Variants in ADAP1 observed in about 807,000 individuals in gnomAD.
ADAP1 encodes ArfGAP with dual PH domains 1.
ADAP1 carries 31 observed loss-of-function variants against 54.9 expected under a neutral mutation model. The observed-to-expected ratio is 0.56, with a 90% CI of 0.42 to 0.76. ADAP1 has a LOEUF of 0.76. ADAP1 is among the 30% of genes least tolerant of loss of function. The pLI is 0.00. For synonymous variants in ADAP1, 313 were observed against 202.6 expected, an observed-to-expected ratio of 1.55 and a Z score of -4.63; for missense variants, 535 against 512.4, an observed-to-expected ratio of 1.04 and a Z score of -0.42.
chr7:913,140 G>A (rs924722384), intron 4 of ADAP1, among the ~76,000 whole-genome samples: 2 of 151,640 alleles, frequency 1.3e-5, no homozygotes, highest in African/African-American at 2.4e-5. Context: ...CCCGGTGCCC[G>A]GCCTTCTTTT....
chr7:923,138 C>T (rs1465674308), intron 3 of ADAP1: 1 of 152,136 alleles, frequency 6.6e-6, no homozygotes, highest in Non-Finnish European at 1.5e-5. Context: ...AGCCTTGAGC[C>T]TCCAGCCTCC....
chr7:950,320 C>T (rs1217037880), intron 1 of ADAP1, among the ~76,000 whole-genome samples: 1 of 152,030 alleles, frequency 6.6e-6, no homozygotes, highest in Non-Finnish European at 1.5e-5. Flanking sequence ...CCCATCTCTA[C>T]TAAAAATACA....
intron 3 of ADAP1, among the ~76,000 whole-genome samples, chr7:921,054 C>T (rs999856162): frequency 2.6e-5 from 4 of 152,140 alleles, no homozygotes; most frequent in Non-Finnish European, 4.4e-5. Context: ...CCTGCTACAA[C>T]GATCACCCCA....
At chr7:932,653 C>G (rs1187664562) in intron 2 of ADAP1, among the ~76,000 whole-genome samples, 1 of 152,196 alleles carries the variant, frequency 6.6e-6, no homozygotes, top group Non-Finnish European at 1.5e-5. Context: ...AGCCCACAGC[C>G]TGGCGAAGGG....
Position 920,222 on chromosome 7 carries a change from C to T in ADAP1, c.306-172G>A, listed in dbSNP as rs561722892. On this transcript the variant is annotated intron_variant, in intron 3 of 10. Transcript: ENST00000265846. This position sits in a 1 kb window ranked among gnomAD's most constrained non-coding sequence, Gnocchi z 4.5. ...GAAGAAATGCAGGGTCAGCCTCCTG[C>T]CCGGGACGCTTCTCACTCTGATATT... Among the ~76,000 whole-genome samples, 2 of 152,246 alleles carry T rather than the reference C, an allele frequency of 1.3e-5. No homozygotes were observed. Among genetic ancestry groups the T allele is most frequent in the East Asian group, 3.9e-4 (2 of 5,178 alleles).
Position 938,710 on chromosome 7 carries a change from C to G in ADAP1, c.83-3205G>C, listed in dbSNP as rs1443773752. 1.3e-5 allele frequency among the ~76,000 whole-genome samples: 2 copies of G among 152,216 alleles called. No individual in the cohort carries two copies. The highest frequency in any genetic ancestry group is 2.4e-5 in the African/African-American group (1 of 41,442). Reference sequence around the variant, plus strand: ...CGGATGGGACAGCACGAGCCACTTACAGGGGTAGCAGGCAACATGAGCCCA... The same window carrying G: ...CGGATGGGACAGCACGAGCCACTTAGAGGGGTAGCAGGCAACATGAGCCCA... On this transcript the variant is annotated intron_variant, in intron 1 of 10. Coordinates refer to ENST00000265846, the MANE Select transcript of ADAP1 (RefSeq NM_006869.4). This position sits in a 1 kb window ranked among gnomAD's most constrained non-coding sequence, Gnocchi z 4.4.
intron 2 of ADAP1, among the ~76,000 whole-genome samples, chr7:929,242 A>T (rs1422396107): frequency 1.3e-5 from 2 of 151,630 alleles, no homozygotes; most frequent in East Asian, 3.9e-4. Flanking sequence ...CAGTGAGCAG[A>T]GATCGTGCCA....
chr7:910,838 G>A (rs572937909), intron 4 of ADAP1, among the ~76,000 whole-genome samples: 16 of 152,252 alleles, frequency 1.1e-4, no homozygotes, highest in African/African-American at 3.6e-4. Flanking sequence ...ACTGCACCCC[G>A]GCCGTCCCTG....
rs780496220 is a variant in ADAP1, at chr7:920,891, C to T, written c.306-841G>A. The T allele has an allele frequency of 1.3e-4, 206 of 1,549,108 alleles. No homozygotes were observed. Among genetic ancestry groups the T allele is most frequent in the South Asian group, 5.5e-4 (46 of 84,032 alleles). On this transcript the variant is annotated intron_variant, in intron 3 of 10. Transcript: ENST00000265846. This position sits in a 1 kb window ranked among gnomAD's most constrained non-coding sequence, Gnocchi z 4.5. Reference sequence around the variant, plus strand: ...CCTTTTCCACTCCCAGGGAATTACGCGGCAAAGAACAAATAGGAACCCTGT... The same window carrying T: ...CCTTTTCCACTCCCAGGGAATTACGTGGCAAAGAACAAATAGGAACCCTGT...
At chr7:899,010 C>G in intron 10 of ADAP1, 23 bp downstream of exon 10, 1 of 1,609,476 alleles carries the variant, frequency 6.2e-7, no homozygotes, top group Non-Finnish European at 8.5e-7. Flanking sequence ...CCTTCCAGGC[C>G]GCCGGCCGCC....
chr7:930,111 A>AG (rs1481815849), intron 2 of ADAP1, among the ~76,000 whole-genome samples: 1 of 149,478 alleles, frequency 6.7e-6, no homozygotes, highest in Non-Finnish European at 1.5e-5. Context: ...CAAAAAAAAA[A>AG]AAAAAAAAAA....
intron 2 of ADAP1, among the ~76,000 whole-genome samples, chr7:931,924 C>A (rs968167678): frequency 6.6e-5 from 10 of 152,314 alleles, no homozygotes; most frequent in African/African-American, 2.2e-4. Context: ...CCCCGGATGT[C>A]CCCGCTGACC....
intron 2 of ADAP1, among the ~76,000 whole-genome samples, chr7:933,333 G>T (rs1339643202): frequency 1.3e-5 from 2 of 152,100 alleles, no homozygotes; most frequent in Non-Finnish European, 2.9e-5. Flanking sequence ...GAGTGGCTGG[G>T]ATTACAGGCA....
At chr7:910,971 A>G (rs1418837573) in intron 4 of ADAP1, among the ~76,000 whole-genome samples, 1 of 152,106 alleles carries the variant, frequency 6.6e-6, no homozygotes, top group Non-Finnish European at 1.5e-5. Context: ...TTAGAGTTGA[A>G]GGCCTCCTCT....
At chr7:944,375 CT>C (rs1847087422) in intron 1 of ADAP1, among the ~76,000 whole-genome samples, 1 of 151,644 alleles carries the variant, frequency 6.6e-6, no homozygotes, top group African/African-American at 2.4e-5. Context: ...CTGTCTCAGC[CT>C]CCCAAGTAGC....
chr7:935,962 C>T (rs1021329841), intron 1 of ADAP1, among the ~76,000 whole-genome samples: 4 of 152,208 alleles, frequency 2.6e-5, no homozygotes, highest in Non-Finnish European at 5.9e-5. Context: ...GCAGGGGGTG[C>T]CTCACACCCA....
Position 920,982 on chromosome 7 carries a change from G to T in ADAP1, c.306-932C>A. ...GCGGGAATCCTCGCCCACAGGATCT[G>T]ATGGGTGATGGGTCCCAGCTGGGTC... On this transcript the variant is annotated intron_variant, in intron 3 of 10. Transcript: ENST00000265846. This position sits in a 1 kb window ranked among gnomAD's most constrained non-coding sequence, Gnocchi z 4.5. 1 of 925,544 alleles carries T rather than the reference G, an allele frequency of 1.1e-6. No individual in the cohort carries two copies. The highest frequency in any genetic ancestry group is 1.6e-6 in the Non-Finnish European group (1 of 609,798). The allele number at this position is 925,544 out of a possible 1,614,324, so 57.3% of individuals were successfully genotyped here.
At chr7:904,965 A>G (rs975541136) in intron 5 of ADAP1, 95 bp downstream of exon 5, 11 of 1,057,408 alleles carry the variant, frequency 1.0e-5, no homozygotes, top group Admixed American at 1.8e-5. Flanking sequence ...CAGGGAGGGC[A>G]GCTGCGGATG....
chr7:908,785 C>G (rs555140633), intron 4 of ADAP1, among the ~76,000 whole-genome samples: 2 of 152,364 alleles, frequency 1.3e-5, no homozygotes, highest in East Asian at 3.9e-4. Context: ...CTGCCGCTCA[C>G]GGCCTTGTGT....
Sources: gnomAD v4.1 joint callset for allele counts (sites outside exome capture counted in the v4.1 genomes callset) on GRCh38, gnomAD v4.1.1 for gene constraint, Gnocchi (gnomAD v3.1) non-coding constraint, MANE v1.5 for transcripts, NCBI Gene and HGNC (gene_info 2026-07-23, HGNC 2026-07-21) for gene names.